The following DNAJC13 variants were observed in gnomAD, a reference collection of about 807,000 sequenced individuals.
DNAJC13 encodes dnaJ homolog subfamily C member 13.
DNAJC13 carries 75 observed loss-of-function variants against 290.5 expected under a neutral mutation model. The ratio of observed to expected loss-of-function variants is 0.26; its 90% CI spans 0.21 to 0.31. The LOEUF (loss-of-function observed/expected upper bound fraction) is 0.31, where lower values mean the gene tolerates loss of function less well. DNAJC13 is among the 10% of genes least tolerant of loss of function. DNAJC13 has a pLI of 1.00. For missense variants in DNAJC13, 2,260 were observed against 2,674.5 expected (o/e 0.85, Z 3.42); for synonymous variants, 862 against 892.0 (o/e 0.97, Z 0.60).
rs79831990 is a variant in DNAJC13, at chr3:132,450,339, A to G, written c.337-308A>G. ...TAAAACTCTTTCAGAATACATTTCT[A>G]TGTAGGATTTCCTCTTTTTTCTTTT... On this transcript the variant is annotated intron_variant, in intron 5 of 55. Coordinates refer to ENST00000260818, the MANE Select transcript of DNAJC13 (RefSeq NM_015268.4). Among the ~76,000 whole-genome samples the G allele has an allele frequency of 8.1e-3, 1,233 of 152,280 alleles. 16 individuals are homozygous for G. The highest frequency in any genetic ancestry group is 0.029 in the African/African-American group (1,191 of 41,586).
chr3:132,459,699 T>C (rs923349167), intron 13 of DNAJC13, among the ~76,000 whole-genome samples: 3 of 152,184 alleles, frequency 2.0e-5, no homozygotes, highest in Non-Finnish European at 2.9e-5. Flanking sequence ...CATCTAAGCA[T>C]CATAGTAATG....
chr3:132,472,462 T>G lies in DNAJC13; in HGVS notation c.2209-683T>G, dbSNP rs1934314177. 8.7e-6 allele frequency: 6 copies of G among 686,976 alleles called. No individual in the cohort carries two copies. In the South Asian group the frequency reaches 3.3e-4, roughly 38 times the overall value. The allele number at this position is 686,976 out of a possible 1,614,324, so 42.6% of individuals were successfully genotyped here. ...ATTTTAGTCTTAAAGTAAAGATAAT[T>G]TTGTATTGATGTGTAATAGATATAA... On this transcript the variant is annotated intron_variant, in intron 20 of 55. Transcript: ENST00000260818.
chr3:132,484,143 G>T (rs974648910), intron 28 of DNAJC13, among the ~76,000 whole-genome samples: 2 of 152,154 alleles, frequency 1.3e-5, no homozygotes, highest in Non-Finnish European at 2.9e-5. Context: ...AAGTTTTCAT[G>T]GTTCCAGTTG....
chr3:132,503,506 A>C, intron 41 of DNAJC13, 125 bp downstream of exon 41: 19 of 1,170,020 alleles, frequency 1.6e-5, no homozygotes, highest in East Asian at 4.8e-5. Context: ...TTGTTCTCTC[A>C]AGCAAGAAAT....
chr3:132,475,176 A>T, intron 22 of DNAJC13, 91 bp downstream of exon 22: 1 of 926,912 alleles, frequency 1.1e-6, no homozygotes, highest in Non-Finnish European at 1.5e-6. Flanking sequence ...TTGTAATTAC[A>T]TATCTGGTCT....
chr3:132,451,843 T>C (rs950366308), intron 6 of DNAJC13, among the ~76,000 whole-genome samples: 9 of 152,338 alleles, frequency 5.9e-5, no homozygotes, highest in Admixed American at 2.6e-4. Flanking sequence ...TGTAGAAATA[T>C]AGTTGGTTCT....
intron 1 of DNAJC13, among the ~76,000 whole-genome samples, chr3:132,431,963 T>G (rs1939250136): frequency 6.6e-6 from 1 of 152,150 alleles, no homozygotes; most frequent in East Asian, 1.9e-4. Flanking sequence ...CTAAATACAC[T>G]AAAAATCACC....
rs1936669730 is a variant in DNAJC13 at position 132,538,577 on chromosome 3, ACTTT to A, written c.*299_*302del. On this transcript the variant is annotated 3_prime_UTR_variant, in exon 56 of 56. Transcript: ENST00000260818. ...CAAAACTGTGAATCAAAAAGACAAA[ACTTT>A]CTTCCTAGTTTTTGTAATTTTTTTT... is the stretch of plus-strand genomic sequence containing the variant. 1 of 210,698 alleles carries A rather than the reference ACTTT, an allele frequency of 4.7e-6. No homozygotes were observed. The allele number at this position is 210,698 out of a possible 1,614,324, so 13.1% of individuals were successfully genotyped here.
At chr3:132,429,410 G>T (rs1939186258) in intron 1 of DNAJC13, among the ~76,000 whole-genome samples, 1 of 152,110 alleles carries the variant, frequency 6.6e-6, no homozygotes, top group Non-Finnish European at 1.5e-5. Context: ...TCGCTTACCA[G>T]CTGTGTTACC....
In DNAJC13 at chr3:132,463,953, C is replaced by G. The variant is rs572136339; in HGVS notation, c.1892+136C>G. 116 of 1,028,820 alleles carry G rather than the reference C, an allele frequency of 1.1e-4. No homozygotes were observed. The South Asian group carries it at 2.3e-3, about 20-fold the overall frequency. 63.7% of individuals were successfully genotyped at this position (1,028,820 alleles called of 1,614,324 possible). The stretch of plus-strand genomic sequence containing the variant: ...TGATCCACCTAGTTCTTTTCCTTTC[C>G]TTACAGAAGGATTTTGCCCAAGTGA... On this transcript the variant is annotated intron_variant, in intron 17 of 55. Coordinates refer to ENST00000260818, the MANE Select transcript of DNAJC13 (RefSeq NM_015268.4).
intron 5 of DNAJC13, among the ~76,000 whole-genome samples, chr3:132,448,216 A>C (rs1933315903): frequency 6.6e-6 from 1 of 152,232 alleles, no homozygotes; most frequent in African/African-American, 2.4e-5. Flanking sequence ...GGTAGTCCTT[A>C]TGCAGTATCC....
intron 53 of DNAJC13, among the ~76,000 whole-genome samples, chr3:132,526,986 G>T (rs958416732): frequency 6.6e-6 from 1 of 152,158 alleles, no homozygotes; most frequent in Non-Finnish European, 1.5e-5. Context: ...TGGTCAAAAA[G>T]TACAGTTTCT....
chr3:132,508,155 T>C (rs755980303), intron 43 of DNAJC13, among the ~76,000 whole-genome samples: 1 of 152,180 alleles, frequency 6.6e-6, no homozygotes, highest in Non-Finnish European at 1.5e-5. Flanking sequence ...TGTAACTCTC[T>C]TCAATTCTGT....
chr3:132,524,789 A>C (rs912714022), intron 51 of DNAJC13, among the ~76,000 whole-genome samples: 1 of 152,172 alleles, frequency 6.6e-6, no homozygotes, highest in Non-Finnish European at 1.5e-5. Flanking sequence ...TTCCAATTTT[A>C]ATGTTAATTT....
intron 55 of DNAJC13, among the ~76,000 whole-genome samples, chr3:132,532,719 A>AG (rs1936452229): frequency 6.6e-6 from 1 of 150,686 alleles, no homozygotes; most frequent in African/African-American, 2.5e-5. Context: ...TGATTGAAAA[A>AG]AAAATCTGCC....
chr3:132,447,490 A>G lies in DNAJC13; in HGVS notation c.294+20A>G. ...GCATTGGTAAGAAGATTCCATGTTC[A>G]TAAATAAAATTTCTTTCTTCTCTTT... On this transcript the variant is annotated intron_variant, in intron 4 of 55. Transcript: ENST00000260818. 3.9e-6 allele frequency: 6 copies of G among 1,536,452 alleles called. No individual in the cohort carries two copies. Among genetic ancestry groups the G allele is most frequent in the Non-Finnish European group, 5.2e-6 (6 of 1,151,014 alleles).
At chr3:132,475,206 G>A in intron 22 of DNAJC13, 121 bp downstream of exon 22, 2 of 656,128 alleles carry the variant, frequency 3.0e-6, no homozygotes, top group South Asian at 4.5e-5. Flanking sequence ...CCCCTTTAAT[G>A]TTATGTAGGA....
chr3:132,523,268 G>T (rs1936150524), intron 50 of DNAJC13, 69 bp downstream of exon 50: 1 of 1,530,994 alleles, frequency 6.5e-7, no homozygotes, highest in Non-Finnish European at 9.0e-7. Context: ...TACTGAGTCA[G>T]TTTAATGCCG....
intron 29 of DNAJC13, among the ~76,000 whole-genome samples, chr3:132,485,281 G>T (rs1934823067): frequency 6.6e-6 from 1 of 152,064 alleles, no homozygotes; most frequent in Non-Finnish European, 1.5e-5. Context: ...GGGATTACAG[G>T]CATGTGCCAC....
Sources: allele counts gnomAD v4.1 joint callset (sites outside exome capture counted in the v4.1 genomes callset), GRCh38; gene constraint gnomAD v4.1.1; transcripts MANE v1.5; gene names NCBI Gene and HGNC (gene_info 2026-07-23, HGNC 2026-07-21).